FAM83G: variants seen among roughly 807,000 people sequenced by gnomAD.
FAM83G encodes the protein scaffolding CK1 anchoring protein G, also known as protein FAM83G.
FAM83G carries 38 observed loss-of-function variants against 61.5 expected under a neutral mutation model. That is an observed-to-expected ratio of 0.62 (90% CI 0.48 to 0.81). The LOEUF (loss-of-function observed/expected upper bound fraction) is 0.81. Among genes scored for constraint, FAM83G ranks in the 30% least tolerant of loss-of-function variants. The pLI is 0.00. For synonymous variants in FAM83G, 470 were observed against 476.1 expected (o/e 0.99, Z 0.17); for missense variants, 989 against 1,133.6 (o/e 0.87, Z 1.83).
intron 5 of FAM83G, chr17:18,976,335 C>T (rs2042980225): frequency 6.5e-6 from 1 of 152,914 alleles, no homozygotes; most frequent in Non-Finnish European, 1.5e-5. Context: ...CCCAGAAGGG[C>T]CGGTGTCCTC....
At chr17:18,990,412 T>G (rs1368940174) in intron 2 of FAM83G, among the ~76,000 whole-genome samples, 1 of 152,068 alleles carries the variant, frequency 6.6e-6, no homozygotes, top group Non-Finnish European at 1.5e-5. Context: ...AGAATCTCCT[T>G]AGTTAAGCCA....
chr17:18,984,505 TC>T (rs1351885281), intron 3 of FAM83G, among the ~76,000 whole-genome samples: 1 of 152,192 alleles, frequency 6.6e-6, no homozygotes, highest in Non-Finnish European at 1.5e-5. Flanking sequence ...GCGGCAGCGA[TC>T]CTCACTTCCT....
chr17:18,990,644 C>G (rs543589416), intron 2 of FAM83G, among the ~76,000 whole-genome samples: 1 of 152,240 alleles, frequency 6.6e-6, no homozygotes, highest in African/African-American at 2.4e-5. Context: ...CAGGGACCAT[C>G]TGCTGTCAGG....
In FAM83G at chr17:18,970,971, C is replaced by T. The variant is rs113879606; in HGVS notation, c.*388G>A. On this transcript the variant is annotated 3_prime_UTR_variant, in exon 6 of 6. Transcript: ENST00000388995. ...GGGGGAGCCCAGGGAGTCAGGGCCC[C>T]GCAACCACCAAACTGTCCCTGTTCC... 5.0e-6 allele frequency: 8 copies of T among 1,596,982 alleles called. No homozygotes were observed. The highest frequency in any genetic ancestry group is 1.7e-5 in the Admixed American group (1 of 59,852).
In FAM83G at chr17:19,000,055, C is replaced by T. The variant is rs945018230; in HGVS notation, c.522+3465G>A. ...GCCTCACGCCTTCTCAGGCTGCAGC[C>T]AAGTGAGGCCGGGGCTCGCCCCTCC... On this transcript the variant is annotated intron_variant, in intron 2 of 5. Transcript: ENST00000388995. This position sits in a 1 kb window ranked among gnomAD's most constrained non-coding sequence, Gnocchi z 5.2. Among the ~76,000 whole-genome samples, 1 of 152,236 alleles carries T rather than the reference C, an allele frequency of 6.6e-6. No individual in the cohort carries two copies. The highest frequency in any genetic ancestry group is 1.5e-5 in the Non-Finnish European group (1 of 68,042).
chr17:18,979,252 C>A (rs530610470), intron 4 of FAM83G: 1 of 482,498 alleles, frequency 2.1e-6, no homozygotes, highest in South Asian at 2.5e-5. Flanking sequence ...CAGAGCTGGC[C>A]CCATCCCTAA....
At chr17:19,001,531 GC>G (rs1407012302) in intron 2 of FAM83G, among the ~76,000 whole-genome samples, 2 of 152,236 alleles carry the variant, frequency 1.3e-5, no homozygotes. Flanking sequence ...AGACAGACTG[GC>G]ACCCAAACTG....
rs560738457 is a variant in FAM83G, at chr17:18,971,843, C to T, written c.2083-95G>A. 61 of 1,385,098 alleles carry T rather than the reference C, an allele frequency of 4.4e-5. No individual in the cohort carries two copies. In the Admixed American group the frequency reaches 1.0e-3, roughly 23 times the overall value. 85.8% of individuals were successfully genotyped at this position (1,385,098 alleles called of 1,614,324 possible). A position where few individuals can be genotyped will look rare whatever the true frequency, so the allele number is the denominator to read the frequency against. On this transcript the variant is annotated intron_variant, in intron 5 of 5. Coordinates refer to ENST00000388995, the MANE Select transcript of FAM83G (RefSeq NM_001039999.3). The surrounding 1 kb of genome is among the most constrained non-coding windows in gnomAD (Gnocchi z 5.5). The stretch of plus-strand genomic sequence containing the variant: ...TCAGGCACACAGGAGCCGGCAGGCC[C>T]GGGTTCGCCTCCTGGCTCTGCCATT...
At chr17:18,977,009 C>T (rs373153498) in intron 5 of FAM83G, 37 of 1,609,602 alleles carry the variant, frequency 2.3e-5, no homozygotes, top group Middle Eastern at 1.6e-4. Context: ...GCTCCGGGCA[C>T]TGAACCCAGG....
rs1251998396 is a variant in FAM83G, at chr17:18,971,815, TG to T, written c.2083-68del. 1.3e-6 allele frequency: 2 copies of T among 1,497,394 alleles called. No individual in the cohort carries two copies. The highest frequency in any genetic ancestry group is 1.8e-6 in the Non-Finnish European group (2 of 1,121,104). The allele number at this position is 1,497,394 out of a possible 1,614,324, so 92.8% of individuals were successfully genotyped here. On this transcript the variant is annotated intron_variant, in intron 5 of 5. Transcript: ENST00000388995. This position sits in a 1 kb window ranked among gnomAD's most constrained non-coding sequence, Gnocchi z 5.5. ...CCAACCCCGCCCCAGCACAGGACCCTGCTCAGGCACACAGGAGCCGGCAGGC... is the reference window on the plus strand; with the variant it reads ...CCAACCCCGCCCCAGCACAGGACCCTCTCAGGCACACAGGAGCCGGCAGGC...
In FAM83G at chr17:18,978,830, C is replaced by G; in HGVS notation, c.836G>C (p.Arg279Pro). The stretch of plus-strand genomic sequence containing the variant: ...CACAGAGATCACATTCCGGTCCGTC[C>G]GCGCGGCCGACCACGTGAAGCTGCA... ...GSYSFTWSAA[R>P]TDRNVISVLS... The change falls in exon 5 of 6, where the codon CGG becomes CCG. Residue 279 changes from arginine to proline, a missense_variant. Around this residue, in one of 3 missense-constraint regions of FAM83G, gnomAD observed 371 missense variants for 404.5 expected, o/e 0.92. Coordinates refer to ENST00000388995, the MANE Select transcript of FAM83G (RefSeq NM_001039999.3). 1.2e-6 allele frequency: 2 copies of G among 1,612,156 alleles called. No individual in the cohort carries two copies. Among genetic ancestry groups the G allele is most frequent in the Non-Finnish European group, 1.7e-6 (2 of 1,179,338 alleles).
At chr17:18,982,268 A>C (rs981109267) in intron 3 of FAM83G, among the ~76,000 whole-genome samples, 4 of 152,082 alleles carry the variant, frequency 2.6e-5, no homozygotes, top group Admixed American at 2.6e-4. Flanking sequence ...GCTCAGCAGC[A>C]GGTGGGGGCC....
chr17:18,969,144 GTACAC>G lies in FAM83G; in HGVS notation c.*2210_*2214del. ...TCCTCACGCTCGGCATCACAGCCCT[GTACAC>G]CATCGCAGGTATGGTGCCTGCAGCA... On this transcript the variant is annotated 3_prime_UTR_variant, in exon 6 of 6. Coordinates refer to ENST00000388995, the MANE Select transcript of FAM83G (RefSeq NM_001039999.3). 6.2e-7 allele frequency: 1 copy of G among 1,613,948 alleles called. No individual in the cohort carries two copies. The highest frequency in any genetic ancestry group is 8.5e-7 in the Non-Finnish European group (1 of 1,179,910).
In FAM83G at chr17:18,969,497, T is replaced by G; in HGVS notation, c.*1862A>C. 2 of 1,378,906 alleles carry G rather than the reference T, an allele frequency of 1.5e-6. No individual in the cohort carries two copies. The highest frequency in any genetic ancestry group is 2.0e-6 in the Non-Finnish European group (2 of 982,262). The allele number at this position is 1,378,906 out of a possible 1,614,324, so 85.4% of individuals were successfully genotyped here. ...TTTGGAGTCTGGCACTGCCCGGCACTGTGCAGGATTCATGCCGTTGGGGTT... is the reference window on the plus strand; with the variant it reads ...TTTGGAGTCTGGCACTGCCCGGCACGGTGCAGGATTCATGCCGTTGGGGTT... On this transcript the variant is annotated 3_prime_UTR_variant, in exon 6 of 6. Transcript: ENST00000388995.
rs1222885162 is a variant in FAM83G, at chr17:18,969,590, G to A, written c.*1769C>T. 3 of 603,942 alleles carry A rather than the reference G, an allele frequency of 5.0e-6. No homozygotes were observed. The highest frequency in any genetic ancestry group is 8.6e-6 in the Non-Finnish European group (3 of 350,374). The allele number at this position is 603,942 out of a possible 1,614,324, so 37.4% of individuals were successfully genotyped here. ...CCACTAGGCAGTCAGCCCCCCTGCT[G>A]GCCCCTCAGGGACTGCCCTGGCTGG... On this transcript the variant is annotated 3_prime_UTR_variant, in exon 6 of 6. Transcript: ENST00000388995.
At chr17:19,005,779 C>G (rs2043869811), upstream of FAM83G, among the ~76,000 whole-genome samples, 3 of 152,184 alleles carry the variant, frequency 2.0e-5, no homozygotes, top group South Asian at 6.2e-4. Context: ...ACCCCTCAAG[C>G]ATGAAGTCCT....
chr17:18,970,795 A>G lies in FAM83G; in HGVS notation c.*564T>C, dbSNP rs1433075908. 3.5e-6 allele frequency: 2 copies of G among 576,872 alleles called. No individual in the cohort carries two copies. The highest frequency in any genetic ancestry group is 3.7e-5 in the African/African-American group (2 of 53,378). The allele number at this position is 576,872 out of a possible 1,614,324, so 35.7% of individuals were successfully genotyped here. ...ATGTGCAAAATGCTTACTTAATAGTATTATTTTAAATACGAATAAAATAGT... is the reference window on the plus strand; with the variant it reads ...ATGTGCAAAATGCTTACTTAATAGTGTTATTTTAAATACGAATAAAATAGT... On this transcript the variant is annotated 3_prime_UTR_variant, in exon 6 of 6. Transcript: ENST00000388995.
At position 18,988,345 on chromosome 17, in the gene FAM83G, T is replaced by C. The variant is rs1597869121; in HGVS notation, c.592A>G (p.Lys198Glu). ...IFKDLLDAGF[K>E]RKVAVYIIVD... The stretch of plus-strand genomic sequence containing the variant: ...ATGATGTACACGGCCACTTTCCTCT[T>C]GAAGCCGGCGTCCAGCAGGTCCTTG... Residue 198 changes from lysine to glutamate, a missense_variant, in exon 3 of 6, where the codon AAG becomes GAG. Lys to Glu is a moderately conservative substitution (Grantham distance 56, BLOSUM62 1). Coordinates refer to ENST00000388995, the MANE Select transcript of FAM83G (RefSeq NM_001039999.3). 5 of 1,614,240 alleles carry C rather than the reference T, an allele frequency of 3.1e-6. No individual in the cohort carries two copies. Among genetic ancestry groups the C allele is most frequent in the Non-Finnish European group, 4.2e-6 (5 of 1,180,048 alleles).
rs958684629 is a variant in FAM83G, at chr17:19,000,695, G to A, written c.522+2825C>T. On this transcript the variant is annotated intron_variant, in intron 2 of 5. Coordinates refer to ENST00000388995, the MANE Select transcript of FAM83G (RefSeq NM_001039999.3). The surrounding 1 kb of genome is among the most constrained non-coding windows in gnomAD (Gnocchi z 5.2). ...GGAAGGGGCCAGTGTGCGGCAAGGCGGCCCAGGCAGAGGGATCCCCATCCT... is the reference window on the plus strand; with the variant it reads ...GGAAGGGGCCAGTGTGCGGCAAGGCAGCCCAGGCAGAGGGATCCCCATCCT... Among the ~76,000 whole-genome samples, 1 of 152,112 alleles carries A rather than the reference G, an allele frequency of 6.6e-6. No individual in the cohort carries two copies. Among genetic ancestry groups the A allele is most frequent in the African/African-American group, 2.4e-5 (1 of 41,414 alleles).
Sources: gnomAD v4.1 joint callset for allele counts (sites outside exome capture counted in the v4.1 genomes callset) on GRCh38, gnomAD v4.1.1 for gene constraint, gnomAD v4.1.1 regional missense constraint, Gnocchi (gnomAD v3.1) non-coding constraint, MANE v1.5 for transcripts, NCBI Gene and HGNC (gene_info 2026-07-23, HGNC 2026-07-21) for gene names.